The following CACNA1A variants were observed in gnomAD, a reference collection of about 807,000 sequenced individuals.
CACNA1A encodes the protein voltage-dependent P/Q-type calcium channel subunit alpha-1A.
In CACNA1A, 57 loss-of-function variants were observed where a neutral mutation model predicts 262.4. The ratio of observed to expected loss-of-function variants is 0.22; its 90% CI spans 0.18 to 0.27. The LOEUF (loss-of-function observed/expected upper bound fraction) is 0.27, where lower values mean the gene tolerates loss of function less well. CACNA1A is among the 10% of genes least tolerant of loss of function. The pLI is 1.00. For synonymous variants in CACNA1A, 1,431 were observed against 1,419.3 expected (o/e 1.01, Z -0.18); for missense variants, 2,526 against 3,562.8 (o/e 0.71, Z 7.41).
intron 1 of CACNA1A, among the ~76,000 whole-genome samples, chr19:13,464,543 A>ATTGTTTTT (rs1170388497): frequency 1.6e-5 from 2 of 128,952 alleles, no homozygotes; most frequent in East Asian, 2.3e-4. Context: ...AACTTTTCCA[A>ATTGTTTTT]TTTTTTTTTT....
intron 3 of CACNA1A, among the ~76,000 whole-genome samples, chr19:13,395,053 C>T (rs1436087957): frequency 1.3e-5 from 2 of 151,488 alleles, no homozygotes; most frequent in African/African-American, 4.9e-5. Context: ...GTGGGTGGAT[C>T]ACTTGAGGTC....
intron 1 of CACNA1A, among the ~76,000 whole-genome samples, chr19:13,502,017 C>T (rs1982430514): frequency 6.6e-6 from 1 of 152,156 alleles, no homozygotes; most frequent in Admixed American, 6.5e-5. Context: ...ACAAGGATCA[C>T]GTAAGTGACA....
intron 31 of CACNA1A, chr19:13,244,844 T>G: frequency 3.6e-6 from 1 of 280,884 alleles, no homozygotes; most frequent in Non-Finnish European, 6.8e-6. Context: ...CATAGGGTGG[T>G]GTTTGGGAGC....
chr19:13,330,373 C>T (rs1391319293), intron 9 of CACNA1A, 40 bp from the exon 10 acceptor site: 20 of 1,449,492 alleles, frequency 1.4e-5, no homozygotes, highest in Non-Finnish European at 1.9e-5. Context: ...AAGACGTTAC[C>T]CTTTTTGCAA....
intron 3 of CACNA1A, among the ~76,000 whole-genome samples, chr19:13,417,385 G>C (rs191439627): frequency 6.6e-6 from 1 of 152,344 alleles, no homozygotes; most frequent in Non-Finnish European, 1.5e-5. Flanking sequence ...TGTGACAGCA[G>C]GAAAGAGTCG....
At chr19:13,351,309 G>A (rs1312665628) in intron 6 of CACNA1A, among the ~76,000 whole-genome samples, 1 of 152,078 alleles carries the variant, frequency 6.6e-6, no homozygotes, top group Non-Finnish European at 1.5e-5. Context: ...TTTATCTTGT[G>A]TATTTAATAA....
At chr19:13,416,542 G>A (rs1020725102) in intron 3 of CACNA1A, among the ~76,000 whole-genome samples, 6 of 152,156 alleles carry the variant, frequency 3.9e-5, no homozygotes, top group African/African-American at 1.4e-4. Flanking sequence ...TCGGCCGGGC[G>A]CGGTGGCTCA....
chr19:13,300,689 C>A (rs1483523728), intron 17 of CACNA1A, 33 bp from the exon 18 acceptor site: 2 of 1,553,596 alleles, frequency 1.3e-6, no homozygotes, highest in African/African-American at 2.7e-5. Context: ...GTTCACAAAA[C>A]ATGAACTAGG....
chr19:13,334,791 T>C (rs1204107416), intron 7 of CACNA1A, among the ~76,000 whole-genome samples: 3 of 151,912 alleles, frequency 2.0e-5, no homozygotes, highest in African/African-American at 7.3e-5. Context: ...TCCCAGCACT[T>C]TGTGAGGCTG....
intron 1 of CACNA1A, among the ~76,000 whole-genome samples, chr19:13,484,123 G>T (rs1979691442): frequency 6.6e-6 from 1 of 152,110 alleles, no homozygotes; most frequent in African/African-American, 2.4e-5. Flanking sequence ...GATTTCAAGA[G>T]TGCCAATTAA....
chr19:13,279,787 G>A (rs995479743), intron 22 of CACNA1A, among the ~76,000 whole-genome samples: 4 of 149,324 alleles, frequency 2.7e-5, no homozygotes, highest in Admixed American at 6.7e-5. Flanking sequence ...CACTGTGCCC[G>A]GCCCACTGTG....
intron 3 of CACNA1A, among the ~76,000 whole-genome samples, chr19:13,381,817 C>T (rs2059528366): frequency 6.6e-6 from 1 of 152,130 alleles, no homozygotes; most frequent in African/African-American, 2.4e-5. Context: ...GCAGAGCGAG[C>T]AAGGGGGAGG....
intron 3 of CACNA1A, among the ~76,000 whole-genome samples, chr19:13,381,333 AG>A (rs2059520663): frequency 6.6e-6 from 1 of 150,676 alleles, no homozygotes; most frequent in Non-Finnish European, 1.5e-5. Flanking sequence ...TGGGATTTTG[AG>A]GCTGCAGTGA....
chr19:13,259,312 C>CTG (rs2056659065), intron 27 of CACNA1A: 9 of 52,196 alleles, frequency 1.7e-4, no homozygotes, highest in Admixed American at 1.0e-3. Flanking sequence ...TGCCTGGCAG[C>CTG]TTTTTTTTTT....
At chr19:13,495,118 T>C (rs982392143) in intron 1 of CACNA1A, among the ~76,000 whole-genome samples, 2 of 152,054 alleles carry the variant, frequency 1.3e-5, no homozygotes, top group African/African-American at 4.8e-5. Flanking sequence ...ACCAGGTGTT[T>C]CCAGAATTTT....
chr19:13,224,943 C>A, intron 37 of CACNA1A, 171 bp from the exon 38 acceptor site: 1 of 560,612 alleles, frequency 1.8e-6, no homozygotes, highest in Non-Finnish European at 3.2e-6. Flanking sequence ...TCTTGGTGGC[C>A]CGCAGGGAGG....
At chr19:13,471,892 T>C (rs763695682) in intron 1 of CACNA1A, among the ~76,000 whole-genome samples, 4 of 152,174 alleles carry the variant, frequency 2.6e-5, no homozygotes, top group Non-Finnish European at 5.9e-5. Context: ...TACAATATTG[T>C]GAATGCGCTG....
At chr19:13,380,137 A>G (rs959240654) in intron 3 of CACNA1A, among the ~76,000 whole-genome samples, 5 of 130,106 alleles carry the variant, frequency 3.8e-5, no homozygotes, top group African/African-American at 1.5e-4. Flanking sequence ...TACAAAAATT[A>G]GCTGGGCGTG....
chr19:13,208,164 A>T (rs1381260647), intron 46 of CACNA1A, 111 bp from the exon 47 acceptor site: 1 of 64,192 alleles, frequency 1.6e-5, no homozygotes, highest in Non-Finnish European at 2.6e-5. Context: ...CCGGGAGGAG[A>T]GGGAGGAGGG....
Sources: gnomAD v4.1 joint callset for allele counts (sites outside exome capture counted in the v4.1 genomes callset) on GRCh38, gnomAD v4.1.1 for gene constraint, MANE v1.5 for transcripts, NCBI Gene and HGNC (gene_info 2026-07-23, HGNC 2026-07-21) for gene names.